SULT6B1: variants seen among roughly 807,000 people sequenced by gnomAD.
SULT6B1 encodes sulfotransferase 6B1.
SULT6B1 carries 44 observed loss-of-function variants against 37.2 expected under a neutral mutation model. The observed-to-expected ratio is 1.18, with a 90% CI of 0.93 to 1.52. The LOEUF (loss-of-function observed/expected upper bound fraction) is 1.52, where lower values mean the gene tolerates loss of function less well. SULT6B1 is among the 40% of genes most tolerant of loss of function. SULT6B1 has a pLI of 0.00. For missense variants in SULT6B1, 450 were observed against 361.0 expected (o/e 1.25, Z -2.00); for synonymous variants, 140 against 126.0 (o/e 1.11, Z -0.74).
chr2:37,183,626 C>G, intron 2 of SULT6B1, 112 bp from the exon 3 acceptor site: 1 of 718,834 alleles, frequency 1.4e-6, no homozygotes, highest in Non-Finnish European at 2.4e-6. Flanking sequence ...ACTACTGTCA[C>G]TATATCTTCT....
At position 37,188,646 on chromosome 2, in the gene SULT6B1, C is replaced by A; in HGVS notation, c.-6G>T. ...AATTTGGATTTATCAGCCATGGTGG[C>A]TCCCTGTAAAAGAACCTGCTCTGTG... On this transcript the variant is annotated 5_prime_UTR_variant, in exon 1 of 7. Transcript: ENST00000535679. 1 of 1,086,078 alleles carries A rather than the reference C, an allele frequency of 9.2e-7. No homozygotes were observed. Among genetic ancestry groups the A allele is most frequent in the Non-Finnish European group, 1.4e-6 (1 of 720,380 alleles). The allele number at this position is 1,086,078 out of a possible 1,614,324, so 67.3% of individuals were successfully genotyped here.
intron 6 of SULT6B1, among the ~76,000 whole-genome samples, chr2:37,170,737 C>CAAAAA (rs10617061): frequency 1.4e-4 from 13 of 94,018 alleles, no homozygotes; most frequent in African/African-American, 2.0e-4. Context: ...GATTCTGTCT[C>CAAAAA]AAAAAAAAAA....
chr2:37,185,186 A>C (rs72874075), intron 2 of SULT6B1, among the ~76,000 whole-genome samples: 5 of 152,220 alleles, frequency 3.3e-5, no homozygotes, highest in African/African-American at 1.2e-4. Context: ...CACATGAGAA[A>C]TGGTAAGGTT....
chr2:37,177,806 A>G (rs1370761275), intron 4 of SULT6B1, among the ~76,000 whole-genome samples: 1 of 152,220 alleles, frequency 6.6e-6, no homozygotes, highest in African/African-American at 2.4e-5. Flanking sequence ...TATACGGTGA[A>G]ACATCATTTT....
At chr2:37,172,664 C>G (rs181286589) in intron 5 of SULT6B1, among the ~76,000 whole-genome samples, 2 of 151,738 alleles carry the variant, frequency 1.3e-5, no homozygotes, top group South Asian at 4.2e-4. Flanking sequence ...TGTGCCACCA[C>G]GCCTGGCTAA....
In SULT6B1 at chr2:37,187,420, A is replaced by G; in HGVS notation, c.247T>C (p.Ser83Pro). The change falls in exon 2 of 7, where the codon TCT becomes CCT. Residue 83 changes from serine (S) to proline (P), a missense_variant. By Grantham distance (74) the Ser-to-Pro change is moderately conservative. Coordinates refer to ENST00000535679, the MANE Select transcript of SULT6B1 (RefSeq NM_001367551.1). ...HIVSELIYAV[S>P]KKKYKYPEFP... ...TCTGGATATTTATACTTTTTTTTAG[A>G]AACAGCATATATTAATTCACTGACA... 6.2e-7 allele frequency: 1 copy of G among 1,608,842 alleles called. No individual in the cohort carries two copies. The highest frequency in any genetic ancestry group is 8.5e-7 in the Non-Finnish European group (1 of 1,176,696).
chr2:37,186,374 G>A (rs1428886179), intron 2 of SULT6B1, among the ~76,000 whole-genome samples: 2 of 152,140 alleles, frequency 1.3e-5, no homozygotes, highest in African/African-American at 2.4e-5. Flanking sequence ...CTGAAGTCCT[G>A]AGGTAGACCA....
intron 4 of SULT6B1, 122 bp downstream of exon 4, chr2:37,179,336 T>C (rs897953587): frequency 2.4e-6 from 3 of 1,249,968 alleles, no homozygotes; most frequent in Non-Finnish European, 1.1e-6. Flanking sequence ...TTCATTTAAA[T>C]GAAACTTTTT....
At chr2:37,191,015 T>A (rs964495051), upstream of SULT6B1, 4 of 150,296 alleles carry the variant, frequency 2.7e-5, no homozygotes, top group Admixed American at 6.6e-5. Flanking sequence ...AATGAAGGGG[T>A]AAGAGGGGAG....
chr2:37,167,882 A>C lies in SULT6B1; in HGVS notation c.*53T>G. 2.1e-6 allele frequency: 3 copies of C among 1,431,478 alleles called. No homozygotes were observed. The South Asian group carries it at 4.4e-5, about 21-fold the overall frequency. The allele number at this position is 1,431,478 out of a possible 1,614,324, so 88.7% of individuals were successfully genotyped here. A position where few individuals can be genotyped will look rare whatever the true frequency, so the allele number is the denominator to read the frequency against. ...TGATTGAATTATCATTTAATTATTT[A>C]CACTTAATTATTATTAAGGAAAATA... On this transcript the variant is annotated 3_prime_UTR_variant, in exon 7 of 7. Coordinates refer to ENST00000535679, the MANE Select transcript of SULT6B1 (RefSeq NM_001367551.1).
chr2:37,173,850 C>G (rs1676357247), intron 5 of SULT6B1, among the ~76,000 whole-genome samples: 1 of 152,208 alleles, frequency 6.6e-6, no homozygotes. Flanking sequence ...GCCCTCCCAG[C>G]ATTTGCTTTG....
intron 6 of SULT6B1, among the ~76,000 whole-genome samples, chr2:37,168,583 C>G (rs1398019931): frequency 6.6e-6 from 1 of 152,190 alleles, no homozygotes; most frequent in Non-Finnish European, 1.5e-5. Flanking sequence ...AGCCATCAGC[C>G]TCAGTGATAC....
intron 1 of SULT6B1, among the ~76,000 whole-genome samples, chr2:37,194,128 T>C (rs969205763): frequency 1.3e-5 from 2 of 152,230 alleles, no homozygotes; most frequent in Non-Finnish European, 2.9e-5. Flanking sequence ...TTATATTTGA[T>C]GTAGTTGAAG....
At chr2:37,172,530 G>A (rs561240811) in intron 5 of SULT6B1, among the ~76,000 whole-genome samples, 5 of 150,810 alleles carry the variant, frequency 3.3e-5, no homozygotes, top group Non-Finnish European at 5.9e-5. Context: ...TTTTTGAGAC[G>A]GAGTTTCTCT....
intron 1 of SULT6B1, chr2:37,194,385 T>C (rs1263531502): frequency 5.2e-6 from 2 of 382,454 alleles, no homozygotes; most frequent in Admixed American, 6.1e-5. Flanking sequence ...TGGCTGACTA[T>C]CTGTAGATTT....
chr2:37,170,709 GC>G (rs1176853545), intron 6 of SULT6B1, among the ~76,000 whole-genome samples: 2 of 133,628 alleles, frequency 1.5e-5, no homozygotes, highest in African/African-American at 5.7e-5. Flanking sequence ...CTGCATTCCA[GC>G]CTGGGCAACA....
At chr2:37,186,666 AG>A (rs1676680081) in intron 2 of SULT6B1, among the ~76,000 whole-genome samples, 1 of 152,070 alleles carries the variant, frequency 6.6e-6, no homozygotes, top group African/African-American at 2.4e-5. Flanking sequence ...CCGAGGTGGG[AG>A]GATCACTTGA....
At chr2:37,193,294 T>A (rs1477045405), upstream of SULT6B1, among the ~76,000 whole-genome samples, 3 of 131,410 alleles carry the variant, frequency 2.3e-5, no homozygotes, top group African/African-American at 2.9e-5. Flanking sequence ...TGTCTCTACT[T>A]AAAAAAAAAA....
chr2:37,171,392 G>A (rs199737044), intron 6 of SULT6B1, 42 bp downstream of exon 6: 2 of 1,599,836 alleles, frequency 1.3e-6, no homozygotes, highest in East Asian at 4.5e-5. Context: ...TGCAAAGTCA[G>A]TCCCTAACTG....
Sources: allele counts gnomAD v4.1 joint callset (sites outside exome capture counted in the v4.1 genomes callset), GRCh38; gene constraint gnomAD v4.1.1; transcripts MANE v1.5; gene names NCBI Gene and HGNC (gene_info 2026-07-23, HGNC 2026-07-21).